Variants in SPTB observed in about 807,000 individuals in gnomAD.
SPTB encodes the protein spectrin beta chain, erythrocytic.
Under a neutral mutation model 256.2 loss-of-function variants are expected in SPTB, and 45 were observed. The observed-to-expected ratio is 0.18, with a 90% CI of 0.14 to 0.23. SPTB has a LOEUF of 0.23. Among genes scored for constraint, SPTB ranks in the 10% least tolerant of loss-of-function variants. SPTB has a pLI of 1.00. For missense variants in SPTB, 2,715 were observed against 3,040.4 expected (o/e 0.89, Z 2.52); for synonymous variants, 1,231 against 1,243.1 (o/e 0.99, Z 0.21).
intron 20 of SPTB, among the ~76,000 whole-genome samples, chr14:64,781,200 A>T (rs2082465562): frequency 6.6e-6 from 1 of 152,236 alleles, no homozygotes; most frequent in Admixed American, 6.5e-5. Context: ...AAAGAAATTG[A>T]AACAAAAGCA....
intron 32 of SPTB, among the ~76,000 whole-genome samples, chr14:64,765,128 CCTCA>C (rs1349205154): frequency 6.6e-5 from 10 of 151,878 alleles, no homozygotes; most frequent in African/African-American, 1.9e-4. Flanking sequence ...AAAAGGGAGG[CCTCA>C]CTATCTGTAT....
chr14:64,803,730 G>T lies in SPTB; in HGVS notation c.351C>A (p.Asp117Glu). 6.2e-7 allele frequency: 1 copy of T among 1,614,088 alleles called. No individual in the cohort carries two copies. The highest frequency in any genetic ancestry group is 8.5e-7 in the Non-Finnish European group (1 of 1,180,012). ...GCTCCTTGAGGAACTGGAGAGCCTT[G>T]TCCACATTCTCCAGGCAGTGGATGC... Reference protein sequence around the residue: ...KMRIHCLENVDKALQFLKEQR... With the variant: ...KMRIHCLENVEKALQFLKEQR... The change falls in exon 4 of 36, where the codon GAC becomes GAA. Residue 117 changes from aspartate to glutamate, a missense_variant. By Grantham distance (45) the Asp-to-Glu change is conservative. Transcript: ENST00000644917.
chr14:64,830,950 AACAAAT>A (rs2083444144), intron 1 of SPTB, among the ~76,000 whole-genome samples: 1 of 152,228 alleles, frequency 6.6e-6, no homozygotes. Flanking sequence ...TAAAATTTAA[AACAAAT>A]ACAATTTTCA....
chr14:64,791,088 G>A (rs1483791869), intron 15 of SPTB, among the ~76,000 whole-genome samples: 1 of 152,210 alleles, frequency 6.6e-6, no homozygotes, highest in Non-Finnish European at 1.5e-5. Context: ...CATATGGCCT[G>A]ATTCTAAGTT....
chr14:64,749,106 G>T lies in SPTB; in HGVS notation c.*200C>A. ...CCCCTGTCCCTGGAGCGGAGCCAGC[G>T]CGGGCGAGGGCATGGAGGGGGCGTC... On this transcript the variant is annotated 3_prime_UTR_variant, in exon 36 of 36. Transcript: ENST00000644917. The surrounding 1 kb of genome is among the most constrained non-coding windows in gnomAD (Gnocchi z 4.7). 1.8e-6 allele frequency: 1 copy of T among 544,760 alleles called. No homozygotes were observed. Among genetic ancestry groups the T allele is most frequent in the Non-Finnish European group, 3.1e-6 (1 of 321,528 alleles). 33.7% of individuals were successfully genotyped at this position (544,760 alleles called of 1,614,324 possible). A position where few individuals can be genotyped will look rare whatever the true frequency, so the allele number is the denominator to read the frequency against.
rs549192305 is a variant in SPTB at position 64,874,180 on chromosome 14, T to C, written c.-52+5612A>G. On this transcript the variant is annotated intron_variant, in intron 1 of 35. Transcript: ENST00000644917. ...TAACCTAATCATGCTTTATTGTCTG[T>C]GCTGGGCAATTTCCTAAAGCCCCAC... 3.9e-5 allele frequency among the ~76,000 whole-genome samples: 6 copies of C among 152,342 alleles called. No individual in the cohort carries two copies. The East Asian group carries it at 1.2e-3, about 29-fold the overall frequency.
Position 64,779,940 on chromosome 14 carries a change from C to T in SPTB, c.4267-9G>A. 6.2e-7 allele frequency: 1 copy of T among 1,612,928 alleles called. No individual in the cohort carries two copies. Among genetic ancestry groups the T allele is most frequent in the Non-Finnish European group, 8.5e-7 (1 of 1,179,134 alleles). On this transcript the variant is annotated splice_polypyrimidine_tract_variant and intron_variant, in intron 20 of 35. Coordinates refer to ENST00000644917, the MANE Select transcript of SPTB (RefSeq NM_001355436.2). The surrounding 1 kb of genome is among the most constrained non-coding windows in gnomAD (Gnocchi z 4.2). Reference sequence around the variant, plus strand: ...ACTTGGTCCTCCACTCGCTGAGACACAAGGGGACGGTGTCAGCACCAGCCT... The same window carrying T: ...ACTTGGTCCTCCACTCGCTGAGACATAAGGGGACGGTGTCAGCACCAGCCT...
rs547012323 is a variant in SPTB, at chr14:64,802,366, C to A, written c.475-49G>T. On this transcript the variant is annotated intron_variant, in intron 4 of 35. Coordinates refer to ENST00000644917, the MANE Select transcript of SPTB (RefSeq NM_001355436.2). The surrounding 1 kb of genome is among the most constrained non-coding windows in gnomAD (Gnocchi z 5.1). ...ATTTGAAGAGGATGTGCATCTGGATCTGTGCTTTCCTGCCGTCCCTGGGAG... is the reference window on the plus strand; with the variant it reads ...ATTTGAAGAGGATGTGCATCTGGATATGTGCTTTCCTGCCGTCCCTGGGAG... The A allele has an allele frequency of 1.2e-5, 19 of 1,572,142 alleles. 1 individual carries two copies. The South Asian group carries it at 2.1e-4, about 18-fold the overall frequency.
intron 1 of SPTB, among the ~76,000 whole-genome samples, chr14:64,879,444 G>A (rs1437378598): frequency 5.9e-5 from 9 of 152,200 alleles, no homozygotes; most frequent in Admixed American, 1.3e-4. Flanking sequence ...CCCAGGCCGG[G>A]GTCCTGGAGA....
rs1464997528 is a variant in SPTB at position 64,775,430 on chromosome 14, CAGGGCCTTCCCACCATGCGGGGG to C, written c.4564-50_4564-28del. The C allele has an allele frequency of 1.2e-6, 2 of 1,605,700 alleles. No individual in the cohort carries two copies. Among genetic ancestry groups the C allele is most frequent in the Admixed American group, 3.4e-5 (2 of 59,640 alleles). On this transcript the variant is annotated intron_variant, in intron 22 of 35. Transcript: ENST00000644917. The surrounding 1 kb of genome is among the most constrained non-coding windows in gnomAD (Gnocchi z 5.0). The stretch of plus-strand genomic sequence containing the variant: ...TGCGGCCAGAAGGAAGGGCTCGGGG[CAGGGCCTTCCCACCATGCGGGGG>C]AGGCTGCTTCAGCAGTGGCAGCACA...
chr14:64,831,182 C>A (rs1023605439), intron 1 of SPTB, among the ~76,000 whole-genome samples: 1 of 152,176 alleles, frequency 6.6e-6, no homozygotes, highest in African/African-American at 2.4e-5. Flanking sequence ...ACTTCCTCCC[C>A]ACCAACCTCA....
chr14:64,820,966 C>A (rs1197303426), intron 2 of SPTB, among the ~76,000 whole-genome samples: 6 of 152,114 alleles, frequency 3.9e-5, no homozygotes, highest in African/African-American at 1.4e-4. Context: ...GCATGAGCTA[C>A]CACGCCCGGC....
At chr14:64,819,695 G>T (rs1594811531) in intron 2 of SPTB, among the ~76,000 whole-genome samples, 1 of 152,170 alleles carries the variant, frequency 6.6e-6, no homozygotes, top group African/African-American at 2.4e-5. Flanking sequence ...GCAAAGGAGG[G>T]TGGGGGTTAA....
In SPTB at chr14:64,779,696, G is replaced by T; in HGVS notation, c.4473+29C>A. The T allele has an allele frequency of 6.2e-7, 1 of 1,613,760 alleles. No homozygotes were observed. The highest frequency in any genetic ancestry group is 8.5e-7 in the Non-Finnish European group (1 of 1,179,784). On this transcript the variant is annotated intron_variant, in intron 21 of 35. Transcript: ENST00000644917. The surrounding 1 kb of genome is among the most constrained non-coding windows in gnomAD (Gnocchi z 4.2). Reference sequence around the variant, plus strand: ...ATGGCAGCTGGTGGCTCAGCCTCAGGAGGTAGGGAGAAGCTGTGGCCCACG... The same window carrying T: ...ATGGCAGCTGGTGGCTCAGCCTCAGTAGGTAGGGAGAAGCTGTGGCCCACG...
intron 1 of SPTB, among the ~76,000 whole-genome samples, chr14:64,859,878 G>A (rs944906797): frequency 1.3e-5 from 2 of 151,960 alleles, no homozygotes; most frequent in Non-Finnish European, 2.9e-5. Flanking sequence ...TTTTACATTA[G>A]TAAAACTTTG....
intron 32 of SPTB, chr14:64,757,015 T>G (rs2082025216): frequency 6.6e-6 from 1 of 152,370 alleles, no homozygotes; most frequent in Non-Finnish European, 1.5e-5. Flanking sequence ...TCCTGCGCTC[T>G]GACTTGGGTA....
chr14:64,839,900 A>G (rs2083579785), intron 1 of SPTB, among the ~76,000 whole-genome samples: 2 of 152,196 alleles, frequency 1.3e-5, no homozygotes, highest in Admixed American at 6.5e-5. Context: ...ACTTTAAGCT[A>G]CAGAAATTAA....
chr14:64,802,187 T>C lies in SPTB; in HGVS notation c.566+39A>G, dbSNP rs1298612162. 1 of 1,587,064 alleles carries C rather than the reference T, an allele frequency of 6.3e-7. No homozygotes were observed. The highest frequency in any genetic ancestry group is 8.7e-7 in the Non-Finnish European group (1 of 1,155,446). ...GCAGTGCTTGTGCGGAGCAAGGGGC[T>C]GGTGGTGGATGTGCTAACAGCTGGT... On this transcript the variant is annotated intron_variant, in intron 5 of 35. Transcript: ENST00000644917. This position sits in a 1 kb window ranked among gnomAD's most constrained non-coding sequence, Gnocchi z 5.1.
intron 32 of SPTB, chr14:64,757,153 G>C (rs946617129): frequency 1.3e-5 from 2 of 152,238 alleles, no homozygotes; most frequent in African/African-American, 4.8e-5. Context: ...CAGAGAAGCA[G>C]CCATGGCAGA....
Sources: allele counts gnomAD v4.1 joint callset (sites outside exome capture counted in the v4.1 genomes callset), GRCh38; gene constraint gnomAD v4.1.1; non-coding constraint Gnocchi (gnomAD v3.1); transcripts MANE v1.5; gene names NCBI Gene and HGNC (gene_info 2026-07-23, HGNC 2026-07-21).